Variants in SLC39A12 observed in about 807,000 individuals in gnomAD.
SLC39A12 encodes solute carrier family 39 member 12.
In SLC39A12, 63 loss-of-function variants were observed where a neutral mutation model predicts 71.1. The ratio of observed to expected loss-of-function variants is 0.89; its 90% confidence interval spans 0.72 to 1.09. The LOEUF (loss-of-function observed/expected upper bound fraction) is 1.09, where lower values mean the gene tolerates loss of function less well. SLC39A12 is among the 50% of genes least tolerant of loss of function. The probability of loss-of-function intolerance (pLI) is 0.00; values close to 1 mark genes in which losing one functional copy is unlikely to be tolerated. For synonymous variants in SLC39A12, 351 were observed against 301.3 expected, an observed-to-expected ratio of 1.16 and a Z score of -1.71; for missense variants, 892 against 812.6, an observed-to-expected ratio of 1.10 and a Z score of -1.19.
At chr10:17,968,279 T>C (rs1834884725) in intron 4 of SLC39A12, among the ~76,000 whole-genome samples, 1 of 152,150 alleles carries the variant, frequency 6.6e-6, no homozygotes, top group South Asian at 2.1e-4. Flanking sequence ...CGTTAAATAA[T>C]AGTGGGGATG....
intron 4 of SLC39A12, among the ~76,000 whole-genome samples, chr10:17,975,948 A>T (rs1835097718): frequency 6.6e-6 from 1 of 152,162 alleles, no homozygotes; most frequent in Admixed American, 6.5e-5. Context: ...CTGCTTTAAC[A>T]GGACAGCATT....
At position 17,965,645 on chromosome 10, in the gene SLC39A12, T is replaced by C. The variant is rs1181700837; in HGVS notation, c.706T>C (p.Tyr236His). The C allele has an allele frequency of 2.5e-6, 4 of 1,614,156 alleles. No homozygotes were observed. The highest frequency in any genetic ancestry group is 3.3e-5 in the Admixed American group (2 of 60,018). Residue 236 changes from tyrosine to histidine, a missense_variant, in exon 4 of 13, where the codon TAT (tyrosine) becomes CAT (histidine). By Grantham distance (83) the Tyr-to-His change is moderately conservative. Transcript: ENST00000377369. ...GCCTTCCCCAGACTACTTTACAGAA[T>C]ATATTTTCAGTTCCTTGAATCGTAC... The part of the protein sequence containing the change: ...NLPSPDYFTE[Y>H]IFSSLNRTNT...
chr10:18,037,142 CCTCTT>C (rs1441345138), intron 12 of SLC39A12, among the ~76,000 whole-genome samples: 2 of 152,016 alleles, frequency 1.3e-5, no homozygotes, highest in Non-Finnish European at 2.9e-5. Flanking sequence ...ATTTGATTTT[CCTCTT>C]CTTGAATTAC....
At chr10:18,036,420 G>T (rs1443566668) in intron 12 of SLC39A12, among the ~76,000 whole-genome samples, 1 of 151,974 alleles carries the variant, frequency 6.6e-6, no homozygotes, top group Admixed American at 6.5e-5. Flanking sequence ...TTCCAGGTGC[G>T]TCCGTCACCC....
At chr10:17,991,481 A>C (rs898882097) in intron 8 of SLC39A12, among the ~76,000 whole-genome samples, 178 bp downstream of exon 8, 1 of 152,290 alleles carries the variant, frequency 6.6e-6, no homozygotes, top group Non-Finnish European at 1.5e-5. Flanking sequence ...TAAAATATCT[A>C]TTCCTGGGCA....
intron 5 of SLC39A12, among the ~76,000 whole-genome samples, chr10:17,978,465 C>T (rs1461997864): frequency 2.0e-5 from 3 of 152,062 alleles, no homozygotes; most frequent in African/African-American, 7.2e-5. Flanking sequence ...GTTACCTCTG[C>T]CATGTATAAT....
rs373255068 is a variant in SLC39A12 at position 17,980,483 on chromosome 10, T to A, written c.925-829T>A. On this transcript the variant is annotated intron_variant, in intron 5 of 12. Coordinates refer to ENST00000377369, the MANE Select transcript of SLC39A12 (RefSeq NM_001145195.2). Reference sequence around the variant, plus strand: ...AATAGAAAACATCCATTTGTGAGAGTGAAACTACCCGTCATTCTCACTCAC... The same window carrying A: ...AATAGAAAACATCCATTTGTGAGAGAGAAACTACCCGTCATTCTCACTCAC... Among the ~76,000 whole-genome samples the A allele has an allele frequency of 3.3e-5, 5 of 152,296 alleles. No homozygotes were observed. The South Asian group carries it at 6.2e-4, about 19-fold the overall frequency.
chr10:17,995,807 T>C, intron 10 of SLC39A12, 85 bp downstream of exon 10: 1 of 1,205,852 alleles, frequency 8.3e-7, no homozygotes, highest in Non-Finnish European at 1.2e-6. Context: ...CAAAACTATA[T>C]AGATATCATA....
At chr10:18,018,745 T>C (rs1175434814) in intron 12 of SLC39A12, among the ~76,000 whole-genome samples, 2 of 152,178 alleles carry the variant, frequency 1.3e-5, no homozygotes, top group African/African-American at 2.4e-5. Context: ...ATTGTAGTTA[T>C]AATTCCTTTT....
At chr10:17,963,588 C>G (rs782284068) in intron 3 of SLC39A12, among the ~76,000 whole-genome samples, 7 of 152,234 alleles carry the variant, frequency 4.6e-5, no homozygotes, top group Non-Finnish European at 8.8e-5. Flanking sequence ...GATGACACCA[C>G]TGTCTCTAGT....
intron 12 of SLC39A12, among the ~76,000 whole-genome samples, chr10:18,042,393 G>A (rs899032109): frequency 1.4e-5 from 2 of 145,996 alleles, no homozygotes; most frequent in African/African-American, 5.1e-5. Flanking sequence ...AGCCCAGGAG[G>A]TTGCTGTGAA....
rs542660595 is a variant in SLC39A12, at chr10:18,014,376, T to C, written c.1947+11018T>C. On this transcript the variant is annotated intron_variant, in intron 12 of 12. Transcript: ENST00000377369. ...TGGGAGTGAAAAAATATACACCTAC[T>C]GCTTAACAAATTATTATTTAACAGA... Among the ~76,000 whole-genome samples, 7 of 152,324 alleles carry C rather than the reference T, an allele frequency of 4.6e-5. No homozygotes were observed. In the East Asian group the frequency reaches 1.3e-3, roughly 29 times the overall value.
In SLC39A12 at chr10:18,042,907, G is replaced by T; in HGVS notation, c.*74G>T. 2 of 1,288,242 alleles carry T rather than the reference G, an allele frequency of 1.6e-6. No homozygotes were observed. The highest frequency in any genetic ancestry group is 2.1e-6 in the Non-Finnish European group (2 of 968,326). 79.8% of individuals were successfully genotyped at this position (1,288,242 alleles called of 1,614,324 possible). On this transcript the variant is annotated 3_prime_UTR_variant, in exon 13 of 13. Transcript: ENST00000377369. Reference sequence around the variant, plus strand: ...TGTTTCTTTCATTGCACTCTATAATGATTTTTAAATTAAGAATTTTTTATC... The same window carrying T: ...TGTTTCTTTCATTGCACTCTATAATTATTTTTAAATTAAGAATTTTTTATC...
chr10:17,953,643 A>G (rs1368868688), intron 2 of SLC39A12, 106 bp downstream of exon 2: 12 of 1,318,804 alleles, frequency 9.1e-6, no homozygotes, highest in East Asian at 5.0e-5. Flanking sequence ...AAATCTTCCA[A>G]TATGCAATTG....
intron 6 of SLC39A12, among the ~76,000 whole-genome samples, chr10:17,986,117 TG>T (rs1465685189): frequency 3.9e-5 from 6 of 152,216 alleles, no homozygotes; most frequent in African/African-American, 1.4e-4. Context: ...ATGCTTCCTA[TG>T]TAACAGCTAG....
chr10:18,036,746 T>TTATATA (rs1195629854), intron 12 of SLC39A12, among the ~76,000 whole-genome samples: 76 of 37,376 alleles, frequency 2.0e-3, no homozygotes, highest in Non-Finnish European at 3.0e-3. Context: ...ATTTTAAAAA[T>TTATATA]TATATATATA....
intron 12 of SLC39A12, among the ~76,000 whole-genome samples, chr10:18,041,483 G>A (rs866266849): frequency 4.2e-4 from 62 of 149,052 alleles, no homozygotes; most frequent in African/African-American, 1.5e-3. Flanking sequence ...GTGACAGAGT[G>A]AGACTCTGTC....
At chr10:17,967,447 T>C (rs1313358924) in intron 4 of SLC39A12, among the ~76,000 whole-genome samples, 1 of 152,188 alleles carries the variant, frequency 6.6e-6, no homozygotes, top group Admixed American at 6.5e-5. Flanking sequence ...AATCCTATAA[T>C]AGAAAAACTT....
chr10:18,017,515 G>A (rs1054677187), intron 12 of SLC39A12, among the ~76,000 whole-genome samples: 1 of 152,142 alleles, frequency 6.6e-6, no homozygotes, highest in Non-Finnish European at 1.5e-5. Context: ...CACCATGTTA[G>A]CCAGGCTGGT....
Sources: gnomAD v4.1 joint callset for allele counts (sites outside exome capture counted in the v4.1 genomes callset) on GRCh38, gnomAD v4.1.1 for gene constraint, MANE v1.5 for transcripts, NCBI Gene and HGNC (gene_info 2026-07-23, HGNC 2026-07-21) for gene names.